PRELID2: variants seen among roughly 807,000 people sequenced by gnomAD.
PRELID2 encodes PRELI domain-containing protein 2.
Under a neutral mutation model 28.4 loss-of-function variants are expected in PRELID2, and 25 were observed. The ratio of observed to expected loss-of-function variants is 0.88; its 90% CI spans 0.64 to 1.23. The LOEUF is 1.23. Among genes scored for constraint, PRELID2 ranks in the 50% most tolerant of loss-of-function variants. The pLI is 0.00. For synonymous variants in PRELID2, 76 were observed against 71.6 expected, an observed-to-expected ratio of 1.06 and a Z score of -0.31; for missense variants, 201 against 214.4, an observed-to-expected ratio of 0.94 and a Z score of 0.39.
chr5:145,582,287 G>T (rs750609972), intron 1 of PRELID2, among the ~76,000 whole-genome samples: 20 of 151,984 alleles, frequency 1.3e-4, no homozygotes, highest in Admixed American at 2.0e-4. Flanking sequence ...CTAAGGGAAG[G>T]CCCCAGTAAA....
rs527547951 is a variant in PRELID2 at position 145,475,165 on chromosome 5, C to T, written n.71-1850G>A. Among the ~76,000 whole-genome samples, 261 of 152,156 alleles carry T rather than the reference C, an allele frequency of 1.7e-3. 4 individuals carry two copies. The highest frequency in any genetic ancestry group is 4.0e-4 in the Non-Finnish European group (27 of 68,002). Reference sequence around the variant, plus strand: ...TGGCTGGCATATTGCAGGCACTTTACGAACACTTGTTGAATGAATGAAGGA... The same window carrying T: ...TGGCTGGCATATTGCAGGCACTTTATGAACACTTGTTGAATGAATGAAGGA... On this transcript the variant is annotated intron_variant and non_coding_transcript_variant, in intron 1 of 2. Coordinates refer to the PRELID2 transcript ENST00000510259.
chr5:145,690,204 G>A lies in PRELID2; in HGVS notation n.70+74727C>T, dbSNP rs545799241. 9.2e-5 allele frequency among the ~76,000 whole-genome samples: 14 copies of A among 151,948 alleles called. No individual in the cohort carries two copies. In the East Asian group the frequency reaches 2.3e-3, roughly 25 times the overall value. On this transcript the variant is annotated intron_variant and non_coding_transcript_variant, in intron 1 of 2. Transcript: ENST00000510259. ...ATGGGATTTCACCATGGTGCCCCCGGCCGGTCTTGAACTCCTGAGCTCAAG... is the reference window on the plus strand; with the variant it reads ...ATGGGATTTCACCATGGTGCCCCCGACCGGTCTTGAACTCCTGAGCTCAAG...
chr5:145,313,255 T>C, the PRELID2 span, among the ~76,000 whole-genome samples: 8 of 152,198 alleles, frequency 5.3e-5, no homozygotes, highest in Non-Finnish European at 7.3e-5. Context: ...GTTAAAAAAA[T>C]AAGAAAATGT....
At chr5:145,247,588 A>G in the PRELID2 span, among the ~76,000 whole-genome samples, 2 of 152,070 alleles carry the variant, frequency 1.3e-5, no homozygotes, top group Non-Finnish European at 2.9e-5. Flanking sequence ...ACTTCCCCAA[A>G]TCCTGGGTTG....
chr5:145,773,973 T>TC (rs1758258034), intron 5 of PRELID2, among the ~76,000 whole-genome samples: 1 of 152,222 alleles, frequency 6.6e-6, no homozygotes, highest in Non-Finnish European at 1.5e-5. Flanking sequence ...TTCATGCAAT[T>TC]CTATAAGTCA....
At chr5:145,492,279 T>A (rs1752276255) in intron 1 of PRELID2, among the ~76,000 whole-genome samples, 1 of 152,186 alleles carries the variant, frequency 6.6e-6, no homozygotes, top group Non-Finnish European at 1.5e-5. Flanking sequence ...TGATTAGTCA[T>A]GTTGAGAATT....
the PRELID2 span, among the ~76,000 whole-genome samples, chr5:145,298,535 G>A: frequency 6.6e-6 from 1 of 152,118 alleles, no homozygotes; most frequent in African/African-American, 2.4e-5. Flanking sequence ...AGGCAATTGG[G>A]CCTTGAAGGC....
At chr5:145,467,137 CCTT>C (rs1418638204), downstream of PRELID2, among the ~76,000 whole-genome samples, 2 of 152,142 alleles carry the variant, frequency 1.3e-5, no homozygotes, top group African/African-American at 4.8e-5. Context: ...ACTTCACAGT[CCTT>C]CTGGTTCAGT....
chr5:145,575,218 T>C, intron 1 of PRELID2, among the ~76,000 whole-genome samples: 1 of 152,182 alleles, frequency 6.6e-6, no homozygotes, highest in East Asian at 1.9e-4. Context: ...CTTGAACCCC[T>C]ACACTTTATT....
At chr5:145,804,649 A>G (rs951402316) in intron 4 of PRELID2, among the ~76,000 whole-genome samples, 1 of 152,132 alleles carries the variant, frequency 6.6e-6, no homozygotes, top group African/African-American at 2.4e-5. Flanking sequence ...TATAATATTA[A>G]CCCGATTTTA....
intron 1 of PRELID2, among the ~76,000 whole-genome samples, chr5:145,745,778 G>A (rs1196831420): frequency 4.6e-5 from 7 of 151,846 alleles, no homozygotes; most frequent in South Asian, 2.1e-4. Flanking sequence ...CAGGAGAATC[G>A]CTTGAACCCA....
At chr5:145,634,454 A>G (rs11955785) in intron 1 of PRELID2, among the ~76,000 whole-genome samples, 5,318 of 152,246 alleles carry the variant, frequency 0.035, 281 homozygotes, top group African/African-American at 0.12. Context: ...CTTGAGACCC[A>G]CCAAAATCAT....
downstream of PRELID2, among the ~76,000 whole-genome samples, chr5:145,469,351 G>A (rs776051923): frequency 1.4e-4 from 21 of 152,068 alleles, no homozygotes; most frequent in Non-Finnish European, 2.4e-4. Flanking sequence ...AATTTGAGGC[G>A]TGTCAAAAGT....
At chr5:145,713,350 T>TTATATATATATATATATATATATGTATA (rs148194664) in intron 1 of PRELID2, among the ~76,000 whole-genome samples, 1 of 124,714 alleles carries the variant, frequency 8.0e-6, no homozygotes, top group African/African-American at 3.1e-5. Context: ...ATATCTGACT[T>TTATATATATATATATATATATATGTATA]TATATATATA....
chr5:145,768,210 C>T (rs528748352), intron 5 of PRELID2, among the ~76,000 whole-genome samples: 9 of 98,850 alleles, frequency 9.1e-5, no homozygotes, highest in Admixed American at 1.6e-4. Context: ...GGTGACAGAG[C>T]GAGACTCTGT....
At chr5:145,550,663 A>G (rs994699038) in intron 1 of PRELID2, among the ~76,000 whole-genome samples, 1 of 152,194 alleles carries the variant, frequency 6.6e-6, no homozygotes, top group Admixed American at 6.5e-5. Flanking sequence ...TCTAACTTTA[A>G]TGACATCAGA....
intron 6 of PRELID2, among the ~76,000 whole-genome samples, chr5:145,763,623 C>T (rs1479560881): frequency 6.6e-6 from 1 of 152,196 alleles, no homozygotes. Context: ...TTTTGGTTAA[C>T]TGCTCTCACT....
intron 1 of PRELID2, among the ~76,000 whole-genome samples, chr5:145,577,525 C>G (rs1375496511): frequency 6.6e-6 from 1 of 151,658 alleles, no homozygotes; most frequent in East Asian, 1.9e-4. Context: ...AATCTGTGAA[C>G]TTAGACAGTT....
At chr5:145,254,266 C>T in the PRELID2 span, among the ~76,000 whole-genome samples, 1 of 152,120 alleles carries the variant, frequency 6.6e-6, no homozygotes, top group South Asian at 2.1e-4. Flanking sequence ...GAGACAGATG[C>T]TTAACAATTG....
Sources: allele counts gnomAD v4.1 joint callset (sites outside exome capture counted in the v4.1 genomes callset), GRCh38; gene constraint gnomAD v4.1.1; transcripts MANE v1.5; gene names NCBI Gene and HGNC (gene_info 2026-07-23, HGNC 2026-07-21).